PRR14L: variants seen among roughly 807,000 people sequenced by gnomAD.
PRR14L encodes the protein protein PRR14L.
A neutral mutation model predicts 155.0 loss-of-function variants in PRR14L; 80 were observed. The ratio of observed to expected loss-of-function variants is 0.52; its 90% confidence interval spans 0.43 to 0.62. PRR14L has a LOEUF of 0.62. Ranked by LOEUF, PRR14L falls within the 20% of genes least tolerant of loss-of-function variation. The probability of loss-of-function intolerance (pLI) is 0.00; values close to 1 mark genes in which losing one functional copy is unlikely to be tolerated. For synonymous variants in PRR14L, 883 were observed against 916.0 expected (o/e 0.96, Z 0.65); for missense variants, 2,469 against 2,548.0 (o/e 0.97, Z 0.67).
intron 4 of PRR14L, among the ~76,000 whole-genome samples, chr22:31,705,390 T>C (rs1272780414): frequency 6.6e-6 from 1 of 152,176 alleles, no homozygotes; most frequent in Non-Finnish European, 1.5e-5. Context: ...TTTTCTTTTT[T>C]TGAGACTGAG....
chr22:31,713,946 T>G lies in PRR14L; in HGVS notation c.3893A>C (p.Asp1298Ala). 6.4e-7 allele frequency: 1 copy of G among 1,551,848 alleles called. No individual in the cohort carries two copies. The highest frequency in any genetic ancestry group is 8.7e-7 in the Non-Finnish European group (1 of 1,147,016). ...CTTTTCCACACAGGTACATACGCTG[T>G]CTCTGTCACTAGAATTACTCCAATC... ...SRDWSNSSDR[D>A]SVCTCVEKNA... The change falls in exon 4 of 9, where the codon GAC (aspartate) becomes GCC (alanine). Residue 1298 changes from aspartate to alanine, a missense_variant. Asp to Ala is a moderately radical substitution (Grantham distance 126). Transcript: ENST00000327423.
intron 2 of PRR14L, among the ~76,000 whole-genome samples, chr22:31,731,094 G>A (rs1174388061): frequency 6.6e-6 from 1 of 152,060 alleles, no homozygotes; most frequent in East Asian, 1.9e-4. Flanking sequence ...CACATCTTGC[G>A]TTTTTCCCTC....
intron 7 of PRR14L, among the ~76,000 whole-genome samples, chr22:31,699,845 T>C (rs2074554069): frequency 6.6e-6 from 1 of 151,736 alleles, no homozygotes; most frequent in South Asian, 2.1e-4. Context: ...ATAAACTTAA[T>C]GTACTAAAAT....
Position 31,712,679 on chromosome 22 carries a change from G to A in PRR14L, c.5160C>T (p.Ser1720=), listed in dbSNP as rs776332891. The A allele has an allele frequency of 3.4e-5, 53 of 1,551,646 alleles. No individual in the cohort carries two copies. Among genetic ancestry groups the A allele is most frequent in the Middle Eastern group, 1.7e-4 (1 of 6,016 alleles). Reference sequence around the variant, plus strand: ...CTGAGCTGGATGATTTCACATGAAAGGATACTGGGAAGATTTCAGAACCAA... The same window carrying A: ...CTGAGCTGGATGATTTCACATGAAAAGATACTGGGAAGATTTCAGAACCAA... ...LLFGSEIFPV[S]FHVKSSSSDC... Residue 1720 remains serine (S), a synonymous_variant, in exon 4 of 9, where the codon TCC becomes TCT. Coordinates refer to ENST00000327423, the MANE Select transcript of PRR14L (RefSeq NM_173566.3).
Position 31,683,286 on chromosome 22 carries a change from G to T in PRR14L, c.*2241C>A, listed in dbSNP as rs1421561039. On this transcript the variant is annotated 3_prime_UTR_variant, in exon 9 of 9. Coordinates refer to ENST00000327423, the MANE Select transcript of PRR14L (RefSeq NM_173566.3). ...TATAGCTGTGCCCACTGTTGTCTCT[G>T]GGAAACATAGCCGCCACATCACTGC... 6.6e-6 allele frequency: 1 copy of T among 152,140 alleles called. No homozygotes were observed. The highest frequency in any genetic ancestry group is 2.4e-5 in the African/African-American group (1 of 41,408). The allele number at this position is 152,140 out of a possible 1,614,324, so 9.4% of individuals were successfully genotyped here.
At chr22:31,710,093 A>G (rs1475494889) in intron 4 of PRR14L, among the ~76,000 whole-genome samples, 1 of 151,876 alleles carries the variant, frequency 6.6e-6, no homozygotes, top group Non-Finnish European at 1.5e-5. Context: ...GGCATACACC[A>G]CTATGCCTGA....
chr22:31,712,463 A>T lies in PRR14L; in HGVS notation c.5376T>A (p.Ala1792=), dbSNP rs773029760. The T allele has an allele frequency of 7.1e-6, 11 of 1,554,004 alleles. No individual in the cohort carries two copies. Among genetic ancestry groups the T allele is most frequent in the Non-Finnish European group, 9.6e-6 (11 of 1,148,096 alleles). ...GGAGAGGAGCTGGAGGCTGGGGAGGAGCCTGAGTGTGGGTCTGACTATGGA... is the reference window on the plus strand; with the variant it reads ...GGAGAGGAGCTGGAGGCTGGGGAGGTGCCTGAGTGTGGGTCTGACTATGGA... ...TGVHSQTHTQ[A]PPQPPAPLQD... Residue 1792 remains alanine, a synonymous_variant, in exon 4 of 9, where the codon GCT becomes GCA. Coordinates refer to ENST00000327423, the MANE Select transcript of PRR14L (RefSeq NM_173566.3).
chr22:31,741,462 C>G (rs537300398), intron 1 of PRR14L, among the ~76,000 whole-genome samples: 1 of 150,076 alleles, frequency 6.7e-6, no homozygotes, highest in African/African-American at 2.4e-5. Flanking sequence ...ACTCCCATCT[C>G]AAAGAAAAAA....
intron 4 of PRR14L, among the ~76,000 whole-genome samples, chr22:31,709,669 T>A (rs2074610954): frequency 1.3e-5 from 2 of 150,678 alleles, no homozygotes; most frequent in Non-Finnish European, 3.0e-5. Context: ...GCTTCCCAAG[T>A]AGCTGGGACT....
chr22:31,714,061 T>C lies in PRR14L; in HGVS notation c.3778A>G (p.Asn1260Asp). The C allele has an allele frequency of 6.5e-7, 1 of 1,550,122 alleles. No individual in the cohort carries two copies. Among genetic ancestry groups the C allele is most frequent in the Non-Finnish European group, 8.7e-7 (1 of 1,146,640 alleles). The change falls in exon 4 of 9, where the codon AAT (asparagine) becomes GAT (aspartate). Residue 1260 changes from asparagine to aspartate, a missense_variant. Physicochemically the swap from Asn to Asp is conservative, Grantham distance 23. Around this residue, in one of 2 missense-constraint regions of PRR14L, gnomAD observed 2,363 missense variants for 2,371.6 expected, o/e 1.00. Coordinates refer to ENST00000327423, the MANE Select transcript of PRR14L (RefSeq NM_173566.3). The stretch of plus-strand genomic sequence containing the variant: ...TCACCATCTTTTGGTTTACAAAGAT[T>C]TTTCAGGTCAGTTTCTTCACTGTTA... Reference protein sequence around the residue: ...NVNSEETDLKNLCKPKDGEML... With the variant: ...NVNSEETDLKDLCKPKDGEML...
intron 1 of PRR14L, among the ~76,000 whole-genome samples, chr22:31,740,643 A>C (rs1166854262): frequency 6.6e-6 from 1 of 152,084 alleles, no homozygotes; most frequent in Non-Finnish European, 1.5e-5. Context: ...TTATAGGCAC[A>C]AGTCACCATG....
At chr22:31,722,524 G>GTT (rs1227976831) in intron 3 of PRR14L, among the ~76,000 whole-genome samples, 37 of 138,206 alleles carry the variant, frequency 2.7e-4, no homozygotes, top group South Asian at 4.8e-4. Flanking sequence ...GCATCATTCA[G>GTT]TTTTTTTTTT....
rs536610225 is a variant in PRR14L at position 31,714,449 on chromosome 22, T to C, written c.3390A>G (p.Lys1130=). The change falls in exon 4 of 9, where the codon AAA becomes AAG. Residue 1130 remains lysine, a synonymous_variant. Coordinates refer to ENST00000327423, the MANE Select transcript of PRR14L (RefSeq NM_173566.3). ...ASTVDFLKIK[K]SCEENVCRSL... is the part of the protein sequence containing the mutation. ...ATCTGCATACGTTTTCTTCACATGA[T>C]TTTTTTATTTTGAGAAAGTCCACTG... The C allele has an allele frequency of 1.5e-5, 24 of 1,551,654 alleles. No homozygotes were observed. In the African/African-American group the frequency reaches 1.6e-4, roughly 11 times the overall value.
chr22:31,708,330 TATTTA>T (rs142997541), intron 4 of PRR14L, among the ~76,000 whole-genome samples: 2,255 of 152,076 alleles, frequency 0.015, 55 homozygotes, highest in African/African-American at 0.052. Context: ...GTTTGTTGTT[TATTTA>T]TTTATTTTTG....
chr22:31,685,885 G>C, intron 8 of PRR14L, 82 bp from the exon 9 acceptor site: 1 of 1,266,516 alleles, frequency 7.9e-7, no homozygotes, highest in Non-Finnish European at 1.1e-6. Flanking sequence ...GTTGACGCTG[G>C]GTCAACAACC....
rs2074476288 is a variant in PRR14L at position 31,685,160 on chromosome 22, T to C, written c.*367A>G. The C allele has an allele frequency of 5.2e-6, 1 of 190,958 alleles. No homozygotes were observed. Among genetic ancestry groups the C allele is most frequent in the East Asian group, 1.3e-4 (1 of 7,686 alleles). 11.8% of individuals were successfully genotyped at this position (190,958 alleles called of 1,614,324 possible). ...CACCGTAAACAAAGCGGAACTTTCA[T>C]ATGGACGTGCAAATCCTGTGTGTCC... On this transcript the variant is annotated 3_prime_UTR_variant, in exon 9 of 9. Coordinates refer to ENST00000327423, the MANE Select transcript of PRR14L (RefSeq NM_173566.3).
intron 3 of PRR14L, among the ~76,000 whole-genome samples, chr22:31,720,166 C>A (rs1270424763): frequency 6.6e-6 from 1 of 152,124 alleles, no homozygotes; most frequent in Non-Finnish European, 1.5e-5. Context: ...ACAGTGCCTG[C>A]TATATAAAAG....
At chr22:31,728,474 A>C (rs1325948505) in intron 2 of PRR14L, among the ~76,000 whole-genome samples, 1 of 151,958 alleles carries the variant, frequency 6.6e-6, no homozygotes, top group Admixed American at 6.6e-5. Flanking sequence ...TTAGCTGGGC[A>C]TGGTGGCGGG....
In PRR14L at chr22:31,747,117, CTTT is replaced by C. The variant is rs200401118; in HGVS notation, c.-52+2873_-52+2875del. ...CCGCGCCTGACCCTCTCCCAGGAGTCTTTTTTTTTTGAGACAGAGTTTCACTCT... is the reference window on the plus strand; with the variant it reads ...CCGCGCCTGACCCTCTCCCAGGAGTCTTTTTTTGAGACAGAGTTTCACTCT... On this transcript the variant is annotated intron_variant, in intron 1 of 8. Coordinates refer to ENST00000327423, the MANE Select transcript of PRR14L (RefSeq NM_173566.3). Among the ~76,000 whole-genome samples the C allele has an allele frequency of 3.7e-5, 5 of 133,450 alleles. No individual in the cohort carries two copies. The East Asian group carries it at 1.2e-3, about 31-fold the overall frequency. The allele number at this position is 133,450 out of a possible 152,430, so 87.5% of individuals were successfully genotyped here.
Sources: gnomAD v4.1 joint callset for allele counts (sites outside exome capture counted in the v4.1 genomes callset) on GRCh38, gnomAD v4.1.1 for gene constraint, gnomAD v4.1.1 regional missense constraint, MANE v1.5 for transcripts, NCBI Gene and HGNC (gene_info 2026-07-23, HGNC 2026-07-21) for gene names.